RPLP2: variants seen among roughly 807,000 people sequenced by gnomAD.
RPLP2 encodes large ribosomal subunit protein P2.
In RPLP2, 1 loss-of-function variant was observed where a neutral mutation model predicts 11.5. The ratio of observed to expected loss-of-function variants is 0.09; its 90% confidence interval spans 0.03 to 0.41. RPLP2 has a LOEUF of 0.41. Ranked by LOEUF, RPLP2 falls within the 10% of genes least tolerant of loss-of-function variation. RPLP2 has a pLI of 0.98. For missense variants in RPLP2, 177 were observed against 145.6 expected (o/e 1.22, Z -1.11); for synonymous variants, 82 against 55.9 (o/e 1.47, Z -2.08).
chr11:812,377 T>C (rs1866090207), intron 3 of RPLP2, 158 bp from the exon 4 acceptor site: 2 of 914,090 alleles, frequency 2.2e-6, no homozygotes, highest in African/African-American at 1.6e-5. Context: ...GAGGAGTGGC[T>C]CAGGGAGGGA....
intron 3 of RPLP2, 85 bp downstream of exon 3, chr11:811,730 T>G (rs1319403755): frequency 6.4e-7 from 1 of 1,572,970 alleles, no homozygotes; most frequent in African/African-American, 1.3e-5. Context: ...CAGGTTTCGC[T>G]TGTGGACCAG....
At position 812,741 on chromosome 11, in the gene RPLP2, C is replaced by T. The variant is rs756557749; in HGVS notation, c.272-19C>T. ...TGGCACTTGGGCAGTGCTCACCATG[C>T]CTCTCCTCTGTTCCACAGCAGAGGA... On this transcript the variant is annotated intron_variant, in intron 4 of 4. Transcript: ENST00000321153. 5 of 1,612,524 alleles carry T rather than the reference C, an allele frequency of 3.1e-6. No homozygotes were observed. Among genetic ancestry groups the T allele is most frequent in the South Asian group, 2.2e-5 (2 of 91,040 alleles).
chr11:811,429 A>G, intron 2 of RPLP2, 168 bp from the exon 3 acceptor site: 2 of 679,252 alleles, frequency 2.9e-6, no homozygotes, highest in African/African-American at 1.8e-5. Flanking sequence ...ATTTATTTTT[A>G]TATCACTTCC....
At chr11:811,565 C>G in intron 2 of RPLP2, 32 bp from the exon 3 acceptor site, 1 of 1,613,958 alleles carries the variant, frequency 6.2e-7, no homozygotes, top group Non-Finnish European at 8.5e-7. Flanking sequence ...ATCGTACATT[C>G]CTGGTAACAG....
At position 812,653 on chromosome 11, in the gene RPLP2, G is replaced by GT; in HGVS notation, c.271+21dup. On this transcript the variant is annotated intron_variant, in intron 4 of 4. Transcript: ENST00000321153. ...CTGCAGGTAAGTGGTGGCCTGGTGA[G>GT]TGGGCAAGGGGCTGGGGCTCAGACG... is the stretch of plus-strand genomic sequence containing the variant. 6.2e-7 allele frequency: 1 copy of GT among 1,611,252 alleles called. No individual in the cohort carries two copies.
At chr11:810,136 G>A in intron 1 of RPLP2, 97 bp downstream of exon 1, 8 of 1,343,792 alleles carry the variant, frequency 6.0e-6, no homozygotes, top group South Asian at 1.7e-5. Context: ...GGAGGCCTAC[G>A]GGCCGAGCCA....
Position 811,668 on chromosome 11 carries a change from TCG to T in RPLP2, c.172+24_172+25del, listed in dbSNP as rs1235821636. On this transcript the variant is annotated intron_variant, in intron 3 of 4. Transcript: ENST00000321153. ...AGGGTGAGTTGATGTGGACGGGCTTTCGTTTGTTTTCATGGTCCATCCTAATC... is the reference window on the plus strand; with the variant it reads ...AGGGTGAGTTGATGTGGACGGGCTTTTTTGTTTTCATGGTCCATCCTAATC... 2.5e-6 allele frequency: 4 copies of T among 1,614,094 alleles called. No individual in the cohort carries two copies. The African/African-American group carries it at 4.0e-5, about 16-fold the overall frequency.
At chr11:811,050 A>G (rs1402113254) in intron 2 of RPLP2, among the ~76,000 whole-genome samples, 2 of 151,052 alleles carry the variant, frequency 1.3e-5, no homozygotes, top group Non-Finnish European at 1.5e-5. Flanking sequence ...AGTGGTGCAC[A>G]TCTGTAGTCT....
chr11:812,454 C>T, intron 3 of RPLP2, 81 bp from the exon 4 acceptor site: 17 of 1,575,528 alleles, frequency 1.1e-5, no homozygotes, highest in African/African-American at 2.7e-5. Context: ...CATGTGCCAT[C>T]TCTGGTGCCA....
At position 810,212 on chromosome 11, in the gene RPLP2, G is replaced by C. The variant is rs560855971; in HGVS notation, c.-1-22G>C. 11 of 1,503,026 alleles carry C rather than the reference G, an allele frequency of 7.3e-6. No individual in the cohort carries two copies. In the Admixed American group the frequency reaches 2.2e-4, roughly 30 times the overall value. 93.1% of individuals were successfully genotyped at this position (1,503,026 alleles called of 1,614,324 possible). A position where few individuals can be genotyped will look rare whatever the true frequency, so the allele number is the denominator to read the frequency against. Reference sequence around the variant, plus strand: ...AGGCCGCCGGGGTAACTCCGCCGTCGCGTCCTCTCCGCCCGCCTCAGGATG... The same window carrying C: ...AGGCCGCCGGGGTAACTCCGCCGTCCCGTCCTCTCCGCCCGCCTCAGGATG... On this transcript the variant is annotated intron_variant, in intron 1 of 4. Transcript: ENST00000321153.
rs547986845 is a variant in RPLP2 at position 811,840 on chromosome 11, C to T, written c.172+195C>T. On this transcript the variant is annotated intron_variant, in intron 3 of 4. Transcript: ENST00000321153. ...TCAGGAGCAGGGCAGCAGGGGGCAC[C>T]CTGTGTTCTCAGCAGACGTTTAGGT... The T allele has an allele frequency of 8.9e-6, 7 of 789,920 alleles. No individual in the cohort carries two copies. The African/African-American group carries it at 1.0e-4, about 11-fold the overall frequency. The allele number at this position is 789,920 out of a possible 1,614,324, so 48.9% of individuals were successfully genotyped here. A position where few individuals can be genotyped will look rare whatever the true frequency, so the allele number is the denominator to read the frequency against.
In RPLP2 at chr11:812,853, A is replaced by G. The variant is rs1233851052; in HGVS notation, c.*17A>G. 1.9e-6 allele frequency: 3 copies of G among 1,612,090 alleles called. No individual in the cohort carries two copies. On this transcript the variant is annotated 3_prime_UTR_variant, in exon 5 of 5. Transcript: ENST00000321153. ...TTTGATTAAATTCCTGCTCCCCTGC[A>G]AATAAAGCCTTTTTACACATCTCTC...
Position 812,749 on chromosome 11 carries a change from C to T in RPLP2, c.272-11C>T. The T allele has an allele frequency of 6.2e-7, 1 of 1,613,122 alleles. No individual in the cohort carries two copies. Among genetic ancestry groups the T allele is most frequent in the Non-Finnish European group, 8.5e-7 (1 of 1,179,230 alleles). On this transcript the variant is annotated splice_polypyrimidine_tract_variant and intron_variant, in intron 4 of 4. Transcript: ENST00000321153. ...GGGCAGTGCTCACCATGCCTCTCCT[C>T]TGTTCCACAGCAGAGGAGAAGAAAG... is the stretch of plus-strand genomic sequence containing the variant.
intron 3 of RPLP2, chr11:811,850 C>G: frequency 1.3e-6 from 1 of 777,358 alleles, no homozygotes; most frequent in Non-Finnish European, 2.4e-6. Context: ...CCTGTGTTCT[C>G]AGCAGACGTT....
chr11:811,768 T>G, intron 3 of RPLP2, 123 bp downstream of exon 3: 2 of 1,231,476 alleles, frequency 1.6e-6, no homozygotes, highest in Non-Finnish European at 2.4e-6. Flanking sequence ...ACCCGAGGAG[T>G]GAGCAGGGCT....
chr11:811,621 A>G lies in RPLP2; in HGVS notation c.148A>G (p.Asn50Asp), dbSNP rs777367494. Residue 50 changes from asparagine (N) to aspartate (D), a missense_variant, in exon 3 of 5, where the codon AAC (asparagine) becomes GAC (aspartate). By Grantham distance (23) the Asn-to-Asp change is conservative. Coordinates refer to ENST00000321153, the MANE Select transcript of RPLP2 (RefSeq NM_001004.4). ...NKVISELNGKNIEDVIAQGIG... is the reference protein window; with the variant it reads ...NKVISELNGKDIEDVIAQGIG... ...GGTTATCAGTGAGCTGAATGGAAAA[A>G]ACATTGAAGACGTCATTGCCCAGGG... 3.1e-6 allele frequency: 5 copies of G among 1,614,186 alleles called. No individual in the cohort carries two copies. The highest frequency in any genetic ancestry group is 4.2e-6 in the Non-Finnish European group (5 of 1,180,020).
chr11:812,719 C>T, intron 4 of RPLP2, 41 bp from the exon 5 acceptor site: 1 of 1,612,742 alleles, frequency 6.2e-7, no homozygotes, highest in Non-Finnish European at 8.5e-7. Flanking sequence ...ACTGGCCTGG[C>T]ACTTGGGCAG....
At position 812,874 on chromosome 11, in the gene RPLP2, C is replaced by T. The variant is rs113191575; in HGVS notation, c.*38C>T. The T allele has an allele frequency of 1.2e-6, 2 of 1,602,912 alleles. No homozygotes were observed. Among genetic ancestry groups the T allele is most frequent in the Non-Finnish European group, 1.7e-6 (2 of 1,171,712 alleles). On this transcript the variant is annotated 3_prime_UTR_variant, in exon 5 of 5. Transcript: ENST00000321153. ...CTGCAAATAAAGCCTTTTTACACAT[C>T]TCTCAAGTATTCCATGAGCACTTTG...
rs752237180 is a variant in RPLP2, at chr11:810,259, C to G, written c.25C>G (p.Leu9Val). MRYVASYL[L>V]AALGGNSSPS... ...GATGCGCTACGTCGCCTCCTACCTGCTGGCTGCCCTAGGGGGCAACTCCTC... is the reference window on the plus strand; with the variant it reads ...GATGCGCTACGTCGCCTCCTACCTGGTGGCTGCCCTAGGGGGCAACTCCTC... Residue 9 changes from leucine to valine, a missense_variant, in exon 2 of 5, where the codon CTG becomes GTG. Physicochemically the swap from Leu to Val is conservative, Grantham distance 32. Transcript: ENST00000321153. The G allele has an allele frequency of 1.8e-5, 29 of 1,598,460 alleles. No homozygotes were observed.
Sources: allele counts gnomAD v4.1 joint callset (sites outside exome capture counted in the v4.1 genomes callset), GRCh38; gene constraint gnomAD v4.1.1; transcripts MANE v1.5; gene names NCBI Gene and HGNC (gene_info 2026-07-23, HGNC 2026-07-21).